NTM: variants seen among roughly 807,000 people sequenced by gnomAD.
NTM encodes IgLON family member 2.
Under a neutral mutation model 42.1 loss-of-function variants are expected in NTM, and 13 were observed. That is an observed-to-expected ratio of 0.31 (90% CI 0.20 to 0.49). NTM has a LOEUF of 0.49. NTM is among the 20% of genes least tolerant of loss of function. The probability of loss-of-function intolerance (pLI) is 0.99; values close to 1 mark genes in which losing one functional copy is unlikely to be tolerated. For missense variants in NTM, 373 were observed against 452.8 expected, an observed-to-expected ratio of 0.82 and a Z score of 1.60; for synonymous variants, 187 against 179.2, an observed-to-expected ratio of 1.04 and a Z score of -0.35.
At chr11:131,856,542 T>G (rs974167468) in intron 1 of NTM, among the ~76,000 whole-genome samples, 1 of 152,196 alleles carries the variant, frequency 6.6e-6, no homozygotes, top group Non-Finnish European at 1.5e-5. Context: ...ATTGAGTTAT[T>G]ATGACCCCAG....
At chr11:131,809,760 C>T (rs2092661755) in intron 1 of NTM, among the ~76,000 whole-genome samples, 1 of 152,218 alleles carries the variant, frequency 6.6e-6, no homozygotes, top group African/African-American at 2.4e-5. Context: ...CGGCTTCCCC[C>T]TCAGTTCTTG....
chr11:131,548,272 C>A (rs2054198861), intron 1 of NTM, among the ~76,000 whole-genome samples: 1 of 152,118 alleles, frequency 6.6e-6, no homozygotes. Context: ...CCTCCACCAC[C>A]ACTCTCCCCT....
chr11:132,149,317 C>T (rs2071334105), intron 3 of NTM, among the ~76,000 whole-genome samples: 1 of 151,486 alleles, frequency 6.6e-6, no homozygotes, highest in South Asian at 2.1e-4. Context: ...CTAGCAGAAG[C>T]TGACTCTCTG....
chr11:131,840,629 G>A (rs1184123210), intron 1 of NTM, among the ~76,000 whole-genome samples: 1 of 151,704 alleles, frequency 6.6e-6, no homozygotes, highest in African/African-American at 2.4e-5. Context: ...ACTGACACCT[G>A]TCCAAAAAAA....
intron 1 of NTM, among the ~76,000 whole-genome samples, chr11:131,638,155 GGAAAAATGTACCTTATT>G (rs2064653676): frequency 6.6e-6 from 1 of 151,896 alleles, no homozygotes; most frequent in Non-Finnish European, 1.5e-5. Context: ...ACCAATCACA[GGAAAAATGTACCTTATT>G]GATAAGGTTA....
At chr11:132,284,521 G>A (rs2094143865) in intron 4 of NTM, among the ~76,000 whole-genome samples, 1 of 151,922 alleles carries the variant, frequency 6.6e-6, no homozygotes, top group Non-Finnish European at 1.5e-5. Flanking sequence ...CTCACACTGC[G>A]ATACTGGGAC....
At chr11:131,711,496 G>A (rs1280307687) in intron 1 of NTM, among the ~76,000 whole-genome samples, 1 of 152,216 alleles carries the variant, frequency 6.6e-6, no homozygotes, top group Non-Finnish European at 1.5e-5. Flanking sequence ...TGCTGGAGAG[G>A]ATGTGGAGAA....
intron 1 of NTM, among the ~76,000 whole-genome samples, chr11:131,777,434 T>TCCCCCC (rs1422733367): frequency 7.3e-6 from 1 of 136,084 alleles, no homozygotes. Context: ...TATGAGTACA[T>TCCCCCC]CCCCCCCACC....
At chr11:132,214,656 G>T (rs1018694831) in intron 4 of NTM, among the ~76,000 whole-genome samples, 1 of 152,064 alleles carries the variant, frequency 6.6e-6, no homozygotes, top group Admixed American at 6.5e-5. Context: ...TCTTGGGTTT[G>T]CCTGGCTGAT....
At chr11:132,150,248 G>T (rs1203392447) in intron 3 of NTM, among the ~76,000 whole-genome samples, 1 of 152,084 alleles carries the variant, frequency 6.6e-6, no homozygotes, top group African/African-American at 2.4e-5. Flanking sequence ...GAACTCACTT[G>T]CCCCACCCCC....
chr11:131,562,098 TG>T (rs2056308545), intron 1 of NTM, among the ~76,000 whole-genome samples: 1 of 152,188 alleles, frequency 6.6e-6, no homozygotes, highest in Non-Finnish European at 1.5e-5. Context: ...GGGTCCCAAC[TG>T]GTGCTGGGAA....
chr11:132,286,642 C>T (rs1022686891), intron 4 of NTM, among the ~76,000 whole-genome samples: 3 of 152,144 alleles, frequency 2.0e-5, no homozygotes, highest in African/African-American at 7.2e-5. Context: ...CAACTGGGCA[C>T]CATCTCTGGG....
intron 7 of NTM, among the ~76,000 whole-genome samples, chr11:132,316,927 G>A (rs2095443699): frequency 6.6e-6 from 1 of 152,208 alleles, no homozygotes. Flanking sequence ...AGGTTGGAAA[G>A]CAGCATGTAC....
intron 4 of NTM, among the ~76,000 whole-genome samples, chr11:132,257,681 T>C (rs2092586730): frequency 6.6e-6 from 1 of 152,204 alleles, no homozygotes; most frequent in Non-Finnish European, 1.5e-5. Flanking sequence ...TCTCATGAGA[T>C]AGGAATTATT....
rs180756977 is a variant in NTM at position 131,627,691 on chromosome 11, C to A, written c.82+256803C>A. Among the ~76,000 whole-genome samples the A allele has an allele frequency of 5.9e-3, 899 of 152,090 alleles. 43 individuals are homozygous for A. Among genetic ancestry groups the A allele is most frequent in the Admixed American group, 0.053 (811 of 15,282 alleles). On this transcript the variant is annotated intron_variant, in intron 1 of 8. Transcript: ENST00000683400. The stretch of plus-strand genomic sequence containing the variant: ...ACAAAAAATAAAAAATTAACACAGG[C>A]ATGCTGGTGCATGCCTGTGGTCCCA...
intron 2 of NTM, among the ~76,000 whole-genome samples, chr11:131,964,595 T>G (rs1411342542): frequency 2.6e-5 from 4 of 152,182 alleles, no homozygotes; most frequent in African/African-American, 9.6e-5. Context: ...ATTCAAAGCT[T>G]CAAAGACTTT....
At chr11:131,505,783 G>T (rs1254383736) in intron 1 of NTM, among the ~76,000 whole-genome samples, 1 of 152,194 alleles carries the variant, frequency 6.6e-6, no homozygotes, top group Non-Finnish European at 1.5e-5. Flanking sequence ...ACCCAGTTGA[G>T]AACTATCTTC....
At position 132,176,624 on chromosome 11, in the gene NTM, G is replaced by T. The variant is rs115940947; in HGVS notation, c.400+30110G>T. On this transcript the variant is annotated intron_variant, in intron 3 of 8. Transcript: ENST00000683400. ...AAGTATAGATATCCTCTCAGATTAT[G>T]CTTGACATGTGTTATTATATTCATA... Among the ~76,000 whole-genome samples the T allele has an allele frequency of 2.2e-3, 330 of 151,172 alleles. 2 individuals are homozygous for T. The highest frequency in any genetic ancestry group is 7.4e-3 in the African/African-American group (305 of 41,252).
chr11:131,766,481 G>A (rs933871219), intron 1 of NTM, among the ~76,000 whole-genome samples: 1 of 152,142 alleles, frequency 6.6e-6, no homozygotes, highest in African/African-American at 2.4e-5. Flanking sequence ...GCCACACACG[G>A]GAGGTACGTC....
Sources: allele counts gnomAD v4.1 joint callset (sites outside exome capture counted in the v4.1 genomes callset), GRCh38; gene constraint gnomAD v4.1.1; transcripts MANE v1.5; gene names NCBI Gene and HGNC (gene_info 2026-07-23, HGNC 2026-07-21).